Variants in FANCA observed in about 807,000 individuals in gnomAD.
FANCA encodes the protein Fanconi anemia group A protein.
FANCA carries 236 observed loss-of-function variants against 194.3 expected under a neutral mutation model. That is an observed-to-expected ratio of 1.21 (90% CI 1.09 to 1.35). The LOEUF (loss-of-function observed/expected upper bound fraction) is 1.35. FANCA is among the 40% of genes most tolerant of loss of function. The pLI, the probability that FANCA is intolerant of heterozygous loss-of-function variation, is 0.00. For missense variants in FANCA, 2,628 were observed against 1,813.9 expected (o/e 1.45, Z -8.15); for synonymous variants, 1,014 against 715.8 (o/e 1.42, Z -6.65).
intron 30 of FANCA, among the ~76,000 whole-genome samples, chr16:89,754,205 G>C (rs990078215): frequency 1.3e-5 from 2 of 150,466 alleles, no homozygotes; most frequent in Non-Finnish European, 2.9e-5. Context: ...CTGGGTGACA[G>C]AGCGAGACTC....
chr16:89,746,593 G>T lies in FANCA; in HGVS notation c.3504C>A (p.Thr1168=), dbSNP rs371464360. Residue 1168 remains threonine, a synonymous_variant, in exon 35 of 43, where the codon ACC becomes ACA. Coordinates refer to ENST00000389301, the MANE Select transcript of FANCA (RefSeq NM_000135.4). The stretch of plus-strand genomic sequence containing the variant: ...AAGACAGCTGACCCACCAGAGCAGA[G>T]GTCAAAATTAAGGGGCATTTCGTCT... ...KCQTKCPLIL[T]SALVWWPSLE... 1.1e-5 allele frequency: 18 copies of T among 1,613,848 alleles called. No individual in the cohort carries two copies. The highest frequency in any genetic ancestry group is 1.5e-5 in the Non-Finnish European group (18 of 1,179,872).
intron 35 of FANCA, among the ~76,000 whole-genome samples, chr16:89,746,318 T>C (rs560641219): frequency 1.3e-5 from 2 of 152,210 alleles, no homozygotes; most frequent in African/African-American, 4.8e-5. Flanking sequence ...AAGGTGCCCG[T>C]GGGGTCTGAG....
At chr16:89,749,124 T>A (rs573060152) in intron 32 of FANCA, among the ~76,000 whole-genome samples, 15 of 152,346 alleles carry the variant, frequency 9.8e-5, no homozygotes, top group Non-Finnish European at 1.9e-4. Flanking sequence ...CTGCTTCTTA[T>A]AAATGCAGCC....
Position 89,769,843 on chromosome 16 carries a change from C to G in FANCA, c.2498G>C (p.Cys833Ser). The change falls in exon 26 of 43, where the codon TGC (cysteine) becomes TCC (serine). Residue 833 changes from cysteine (C) to serine (S), a missense_variant. Physicochemically the swap from Cys to Ser is moderately radical, Grantham distance 112. Coordinates refer to ENST00000389301, the MANE Select transcript of FANCA (RefSeq NM_000135.4). ...TCRTRDSLFFCLKFCTAAISY... is the reference protein window; with the variant it reads ...TCRTRDSLFFSLKFCTAAISY... The stretch of plus-strand genomic sequence containing the variant: ...CTGTGGAAGAAGAGCTCACTTCAGG[C>G]AGAAGAACAAGGAATCCCTCGTCCT... The G allele has an allele frequency of 6.2e-7, 1 of 1,614,028 alleles. No individual in the cohort carries two copies. Among genetic ancestry groups the G allele is most frequent in the Middle Eastern group, 1.6e-4 (1 of 6,062 alleles).
chr16:89,739,330 G>C (rs2062061925), intron 40 of FANCA, 41 bp from the exon 41 acceptor site: 1 of 1,612,204 alleles, frequency 6.2e-7, no homozygotes, highest in African/African-American at 1.3e-5. Flanking sequence ...ACAGACTGCT[G>C]GAAAGGTAGC....
At chr16:89,759,547 G>T (rs990634865) in intron 29 of FANCA, among the ~76,000 whole-genome samples, 1 of 151,852 alleles carries the variant, frequency 6.6e-6, no homozygotes, top group Non-Finnish European at 1.5e-5. Context: ...GATCACTTGA[G>T]CCCAGGAGTC....
chr16:89,766,259 T>C (rs2039124435), intron 27 of FANCA, among the ~76,000 whole-genome samples: 1 of 151,590 alleles, frequency 6.6e-6, no homozygotes, highest in South Asian at 2.1e-4. Context: ...CCTCCCAAAG[T>C]GTTGGGATTA....
intron 7 of FANCA, among the ~76,000 whole-genome samples, chr16:89,803,822 T>A (rs567513560): frequency 7.8e-4 from 119 of 152,214 alleles, no homozygotes; most frequent in African/African-American, 2.6e-3. Context: ...GGTTTCACCA[T>A]CTTGGCCAGG....
chr16:89,807,602 T>G (rs557875332), intron 6 of FANCA, among the ~76,000 whole-genome samples: 3 of 151,510 alleles, frequency 2.0e-5, no homozygotes, highest in Admixed American at 2.0e-4. Context: ...ATAACAAAAA[T>G]TGCCAGGCAC....
intron 17 of FANCA, 85 bp from the exon 18 acceptor site, chr16:89,780,042 C>T: frequency 2.4e-6 from 3 of 1,232,168 alleles, no homozygotes; most frequent in Non-Finnish European, 3.6e-6. Flanking sequence ...TCAACCTGTG[C>T]TTCCTTGTTG....
intron 38 of FANCA, chr16:89,740,553 T>G: frequency 1.9e-6 from 1 of 536,652 alleles, no homozygotes; most frequent in South Asian, 2.2e-5. Flanking sequence ...GGAGAATTGC[T>G]TGAACCCAGG....
chr16:89,795,434 C>G (rs55724126), intron 11 of FANCA, among the ~76,000 whole-genome samples: 1 of 152,048 alleles, frequency 6.6e-6, no homozygotes, highest in African/African-American at 2.4e-5. Context: ...GTCAGGAGTT[C>G]GAGGCCAGCC....
intron 33 of FANCA, among the ~76,000 whole-genome samples, chr16:89,747,703 AAAATAAAT>A (rs572834641): frequency 6.6e-6 from 1 of 151,960 alleles, no homozygotes; most frequent in Admixed American, 6.6e-5. Context: ...TCTGTCTCAA[AAAATAAAT>A]AAATAAATAA....
At chr16:89,742,174 A>C (rs933380672) in intron 37 of FANCA, among the ~76,000 whole-genome samples, 36 of 152,086 alleles carry the variant, frequency 2.4e-4, no homozygotes, top group African/African-American at 7.2e-4. Context: ...ACAGGGTTTC[A>C]CCATGTTGCC....
intron 7 of FANCA, among the ~76,000 whole-genome samples, chr16:89,803,780 C>G (rs1213234698): frequency 2.0e-5 from 3 of 152,034 alleles, no homozygotes; most frequent in Non-Finnish European, 2.9e-5. Context: ...GCCACCACAC[C>G]CAGCTAATTT....
intron 30 of FANCA, among the ~76,000 whole-genome samples, chr16:89,757,892 T>C (rs2038817613): frequency 6.6e-6 from 1 of 152,186 alleles, no homozygotes. Flanking sequence ...TTTATCTTTT[T>C]TTTGAGACAG....
chr16:89,754,430 T>G (rs1246613888), intron 30 of FANCA, among the ~76,000 whole-genome samples: 1 of 152,196 alleles, frequency 6.6e-6, no homozygotes, highest in African/African-American at 2.4e-5. Flanking sequence ...GGAGTTGCAG[T>G]GGCATGATCT....
At position 89,767,210 on chromosome 16, in the gene FANCA, A is replaced by C. The variant is rs778591541; in HGVS notation, c.2532T>G (p.Ser844=). 14 of 1,613,488 alleles carry C rather than the reference A, an allele frequency of 8.7e-6. No homozygotes were observed. Among genetic ancestry groups the C allele is most frequent in the Non-Finnish European group, 1.0e-5 (12 of 1,179,530 alleles). Residue 844 remains serine, a synonymous_variant, in exon 27 of 43, where the codon TCT becomes TCG. Transcript: ENST00000389301. Reference sequence around the variant, plus strand: ...GTGACTGGGAAGAAAACTTGCAGAGAGAGTAAGAAATTGCTGCTGTACAAA... The same window carrying C: ...GTGACTGGGAAGAAAACTTGCAGAGCGAGTAAGAAATTGCTGCTGTACAAA... ...LKFCTAAISY[S]LCKFSSQSRD...
At chr16:89,800,938 CAGG>C (rs1263978570) in intron 8 of FANCA, among the ~76,000 whole-genome samples, 2 of 149,728 alleles carry the variant, frequency 1.3e-5, no homozygotes, top group Non-Finnish European at 2.9e-5. Context: ...GAGACTGAGG[CAGG>C]AGAATAGCTT....
Sources: gnomAD v4.1 joint callset for allele counts (sites outside exome capture counted in the v4.1 genomes callset) on GRCh38, gnomAD v4.1.1 for gene constraint, MANE v1.5 for transcripts, NCBI Gene and HGNC (gene_info 2026-07-23, HGNC 2026-07-21) for gene names.